COL24A1: variants seen among roughly 807,000 people sequenced by gnomAD.
COL24A1 encodes the protein collagen alpha-1(XXIV) chain.
Under a neutral mutation model 253.9 loss-of-function variants are expected in COL24A1, and 224 were observed. The observed-to-expected ratio is 0.88, with a 90% CI of 0.79 to 0.99. The LOEUF (loss-of-function observed/expected upper bound fraction) is 0.99. Among genes scored for constraint, COL24A1 ranks in the 50% least tolerant of loss-of-function variants. The pLI, the probability that COL24A1 is intolerant of heterozygous loss-of-function variation, is 0.00. For synonymous variants in COL24A1, 685 were observed against 673.7 expected (o/e 1.02, Z -0.26); for missense variants, 2,131 against 2,068.5 (o/e 1.03, Z -0.59).
At chr1:85,812,184 T>A (rs1031293498) in intron 47 of COL24A1, among the ~76,000 whole-genome samples, 10 of 152,234 alleles carry the variant, frequency 6.6e-5, no homozygotes, top group African/African-American at 2.4e-4. Context: ...CGCAGCACTC[T>A]ATTCTTAAAT....
chr1:85,873,318 C>T lies in COL24A1; in HGVS notation c.3138+1331G>A, dbSNP rs190322788. On this transcript the variant is annotated intron_variant, in intron 35 of 59. Coordinates refer to ENST00000370571, the MANE Select transcript of COL24A1 (RefSeq NM_152890.7). ...ATCTAGAATTAGAAATACCATTTGA[C>T]CCAGCAATCCCATTACTGGGTGTAT... is the stretch of plus-strand genomic sequence containing the variant. Among the ~76,000 whole-genome samples the T allele has an allele frequency of 7.2e-4, 110 of 152,056 alleles. 1 individual carries two copies. Among genetic ancestry groups the T allele is most frequent in the Non-Finnish European group, 1.3e-3 (85 of 67,904 alleles).
chr1:86,098,743 A>T (rs1203249967), intron 5 of COL24A1, among the ~76,000 whole-genome samples: 1 of 152,208 alleles, frequency 6.6e-6, no homozygotes, highest in African/African-American at 2.4e-5. Context: ...TTTGGTAAAA[A>T]GTTACCAAAC....
At chr1:86,114,764 C>T (rs1310654196) in intron 4 of COL24A1, among the ~76,000 whole-genome samples, 1 of 152,048 alleles carries the variant, frequency 6.6e-6, no homozygotes, top group African/African-American at 2.4e-5. Context: ...TTTTCTAGCT[C>T]ATTGAACAAA....
rs12080202 is a variant in COL24A1, at chr1:86,085,049, A to G, written c.1707+4125T>C. Among the ~76,000 whole-genome samples the G allele has an allele frequency of 2.6e-3, 396 of 152,336 alleles. 2 individuals are homozygous for G. The highest frequency in any genetic ancestry group is 9.1e-3 in the African/African-American group (378 of 41,574). The stretch of plus-strand genomic sequence containing the variant: ...CTATAGAACAGTAGAATTCTCCATT[A>G]TCTTTCTTCAGGCACTGATTTTTAT... On this transcript the variant is annotated intron_variant, in intron 7 of 59. Transcript: ENST00000370571.
chr1:85,870,546 C>T (rs570657164), intron 35 of COL24A1, among the ~76,000 whole-genome samples: 1 of 152,322 alleles, frequency 6.6e-6, no homozygotes, highest in South Asian at 2.1e-4. Context: ...AAGAAACTCA[C>T]TCAACACTGC....
intron 52 of COL24A1, among the ~76,000 whole-genome samples, chr1:85,776,561 C>T (rs1057443950): frequency 6.6e-6 from 1 of 151,910 alleles, no homozygotes; most frequent in Non-Finnish European, 1.5e-5. Flanking sequence ...AATATGAATG[C>T]TCTTCCATGT....
At chr1:85,986,370 C>T (rs1247274326) in intron 20 of COL24A1, among the ~76,000 whole-genome samples, 1 of 151,698 alleles carries the variant, frequency 6.6e-6, no homozygotes, top group Non-Finnish European at 1.5e-5. Context: ...AACCATCCTC[C>T]AAACTGACAT....
intron 28 of COL24A1, 45 bp downstream of exon 28, chr1:85,907,149 G>T: frequency 6.9e-7 from 1 of 1,458,112 alleles, no homozygotes; most frequent in South Asian, 1.1e-5. Context: ...TATTTATGAA[G>T]TAATTTTGGG....
At chr1:86,038,824 C>T (rs1571699959) in intron 12 of COL24A1, among the ~76,000 whole-genome samples, 1 of 152,166 alleles carries the variant, frequency 6.6e-6, no homozygotes, top group South Asian at 2.1e-4. Context: ...ACTTGGCCAG[C>T]AAGTGAGCCT....
chr1:86,050,071 C>T (rs1700191598), intron 11 of COL24A1, 53 bp downstream of exon 11: 2 of 1,502,846 alleles, frequency 1.3e-6, no homozygotes, highest in South Asian at 2.3e-5. Context: ...CCCCATTGTA[C>T]ATTATCACAA....
Position 86,125,091 on chromosome 1 carries a change from A to G in COL24A1, c.1245T>C (p.Asn415=). The G allele has an allele frequency of 1.2e-6, 2 of 1,613,174 alleles. No individual in the cohort carries two copies. The highest frequency in any genetic ancestry group is 1.7e-6 in the Non-Finnish European group (2 of 1,179,688). Residue 415 remains asparagine (N), a synonymous_variant, in exon 3 of 60, where the codon AAT becomes AAC. Coordinates refer to ENST00000370571, the MANE Select transcript of COL24A1 (RefSeq NM_152890.7). ...ITNLKKAITA[N]LHTNELMEMQ... ...TTTCCATGAGTTCGTTAGTGTGTAG[A>G]TTTGCTGTGATAGCCTTCTTGAGAT...
chr1:86,156,281 C>G (rs1406288427), intron 1 of COL24A1, 60 bp downstream of exon 1: 1 of 1,515,152 alleles, frequency 6.6e-7, no homozygotes, highest in Non-Finnish European at 9.0e-7. Flanking sequence ...TCAGCAGAAC[C>G]AGGGGGTGGA....
chr1:85,768,449 A>C (rs1443761361), intron 53 of COL24A1, among the ~76,000 whole-genome samples: 3 of 152,298 alleles, frequency 2.0e-5, no homozygotes, highest in Non-Finnish European at 4.4e-5. Context: ...CCGGGAGTCC[A>C]GGAGGGATAT....
Position 85,781,208 on chromosome 1 carries a change from T to C in COL24A1, c.4338+12A>G, listed in dbSNP as rs368717071. On this transcript the variant is annotated intron_variant, in intron 52 of 59. Transcript: ENST00000370571. ...AAAAGAGTACAAAAGACTTGTATTA[T>C]GATAAACTTACAGTTCTACCTGTTG... The C allele has an allele frequency of 3.2e-6, 5 of 1,575,616 alleles. No homozygotes were observed. In the South Asian group the frequency reaches 3.5e-5, roughly 11 times the overall value.
At chr1:85,925,426 T>C (rs190764714) in intron 24 of COL24A1, among the ~76,000 whole-genome samples, 11 of 152,104 alleles carry the variant, frequency 7.2e-5, no homozygotes, top group East Asian at 3.9e-4. Context: ...CAAACTATAC[T>C]ACAAGGCTAC....
rs201469840 is a variant in COL24A1, at chr1:86,083,271, C to CTGGG, written c.1707+5899_1707+5902dup. 2.5e-3 allele frequency among the ~76,000 whole-genome samples: 372 copies of CTGGG among 151,548 alleles called. 9 individuals carry two copies. In the East Asian group the frequency reaches 0.046, roughly 19 times the overall value. The stretch of plus-strand genomic sequence containing the variant: ...CGAGATTGCACCACTGCACTCCAGC[C>CTGGG]TGGGCGACAGAGCGAGGCTCCGTCT... On this transcript the variant is annotated intron_variant, in intron 7 of 59. Coordinates refer to ENST00000370571, the MANE Select transcript of COL24A1 (RefSeq NM_152890.7).
intron 52 of COL24A1, among the ~76,000 whole-genome samples, chr1:85,778,061 C>CTATCTATCTATCTATG (rs1190263739): frequency 5.3e-5 from 8 of 151,824 alleles, no homozygotes; most frequent in African/African-American, 1.9e-4. Flanking sequence ...ATCTATCTAT[C>CTATCTATCTATCTATG]TATCTATCAT....
Position 85,847,769 on chromosome 1 carries a change from C to T in COL24A1, c.3358G>A (p.Asp1120Asn). Residue 1120 changes from aspartate to asparagine, a missense_variant, in exon 39 of 60, where the codon GAT (aspartate) becomes AAT (asparagine). Coordinates refer to ENST00000370571, the MANE Select transcript of COL24A1 (RefSeq NM_152890.7). ...GQRGRPGKKG[D>N]KGQIGPTGEV... ...CCTGTGGGTCCTATTTGTCCTTTAT[C>T]ACCCTGTGGATGACATTATTAAGAG... is the stretch of plus-strand genomic sequence containing the variant. 6.2e-7 allele frequency: 1 copy of T among 1,608,742 alleles called. No individual in the cohort carries two copies. Among genetic ancestry groups the T allele is most frequent in the Non-Finnish European group, 8.5e-7 (1 of 1,175,370 alleles).
chr1:85,923,384 A>C (rs1451463345), intron 24 of COL24A1, among the ~76,000 whole-genome samples: 2 of 152,198 alleles, frequency 1.3e-5, no homozygotes, highest in East Asian at 3.8e-4. Flanking sequence ...TCAGCAACAC[A>C]TCACACTTAT....
Sources: allele counts gnomAD v4.1 joint callset (sites outside exome capture counted in the v4.1 genomes callset), GRCh38; gene constraint gnomAD v4.1.1; transcripts MANE v1.5; gene names NCBI Gene and HGNC (gene_info 2026-07-23, HGNC 2026-07-21).